CHEK1: variants seen among roughly 807,000 people sequenced by gnomAD.
CHEK1 encodes the protein serine/threonine-protein kinase Chk1.
CHEK1 carries 32 observed loss-of-function variants against 60.2 expected under a neutral mutation model. The observed-to-expected ratio is 0.53, with a 90% CI of 0.40 to 0.71. The LOEUF is 0.71. CHEK1 is among the 30% of genes least tolerant of loss of function. The probability of loss-of-function intolerance (pLI) is 0.00; values close to 1 mark genes in which losing one functional copy is unlikely to be tolerated. For synonymous variants in CHEK1, 179 were observed against 187.2 expected, an observed-to-expected ratio of 0.96 and a Z score of 0.36; for missense variants, 399 against 564.6, an observed-to-expected ratio of 0.71 and a Z score of 2.97.
downstream of CHEK1, among the ~76,000 whole-genome samples, chr11:125,679,457 A>AGG (rs1251345812): frequency 1.3e-5 from 2 of 152,180 alleles, no homozygotes; most frequent in East Asian, 3.9e-4. Context: ...ACCTCAAGTG[A>AGG]TCCGCCCGCC....
At chr11:125,658,072 GT>G (rs887206468), downstream of CHEK1, among the ~76,000 whole-genome samples, 3 of 151,246 alleles carry the variant, frequency 2.0e-5, no homozygotes, top group South Asian at 2.1e-4. Flanking sequence ...TTTTGTTAAT[GT>G]TTTTTTTTCC....
At chr11:125,677,906 A>C, downstream of CHEK1, 3 of 1,613,946 alleles carry the variant, frequency 1.9e-6, no homozygotes, top group Non-Finnish European at 2.5e-6. Context: ...CACCGGAGCC[A>C]TGTTCACCTG....
chr11:125,629,661 A>G (rs1163690308), intron 5 of CHEK1, among the ~76,000 whole-genome samples: 1 of 152,210 alleles, frequency 6.6e-6, no homozygotes, highest in Non-Finnish European at 1.5e-5. Flanking sequence ...ATTTTGCAAT[A>G]CAAGTGCGGA....
At chr11:125,677,736 T>G, downstream of CHEK1, 4 of 1,594,802 alleles carry the variant, frequency 2.5e-6, no homozygotes, top group South Asian at 4.5e-5. Flanking sequence ...TGGGTTTTCT[T>G]GATGTGTTCC....
At position 125,626,785 on chromosome 11, in the gene CHEK1, T is replaced by G; in HGVS notation, c.17T>G (p.Val6Gly). The G allele has an allele frequency of 6.2e-7, 1 of 1,614,234 alleles. No homozygotes were observed. The highest frequency in any genetic ancestry group is 8.5e-7 in the Non-Finnish European group (1 of 1,180,030). ...GGTGGAGTCATGGCAGTGCCCTTTG[T>G]GGAAGACTGGGACTTGGTGCAAACC... MAVPF[V>G]EDWDLVQTLG... Residue 6 changes from valine to glycine, a missense_variant, in exon 2 of 13, where the codon GTG (valine) becomes GGG (glycine). By Grantham distance (109) the Val-to-Gly change is moderately radical. Around this residue, in one of 2 missense-constraint regions of CHEK1, gnomAD observed 370 missense variants for 494.8 expected, o/e 0.75. Coordinates refer to ENST00000438015, the MANE Select transcript of CHEK1 (RefSeq NM_001114122.3).
chr11:125,640,369 G>A lies in CHEK1; in HGVS notation c.814+2825G>A, dbSNP rs1159976094. On this transcript the variant is annotated intron_variant, in intron 8 of 12. Transcript: ENST00000438015. ...ATCCTGGCTAACACGGTGTCACCCC[G>A]TCTCTACTAAAAATACAAAAAATTA... is the stretch of plus-strand genomic sequence containing the variant. Among the ~76,000 whole-genome samples, 7 of 151,694 alleles carry A rather than the reference G, an allele frequency of 4.6e-5. No homozygotes were observed. The East Asian group carries it at 7.8e-4, about 17-fold the overall frequency.
At chr11:125,659,794 A>C (rs1002418505), downstream of CHEK1, among the ~76,000 whole-genome samples, 4 of 152,200 alleles carry the variant, frequency 2.6e-5, no homozygotes, top group African/African-American at 9.7e-5. Context: ...TTATGCAACC[A>C]TCACCACTCT....
intron 5 of CHEK1, among the ~76,000 whole-genome samples, chr11:125,631,282 A>C (rs1448501979): frequency 6.6e-6 from 1 of 152,066 alleles, no homozygotes; most frequent in African/African-American, 2.4e-5. Context: ...GTTTCTATTT[A>C]ATATTTAGGA....
At chr11:125,660,881 T>C (rs1208764303), downstream of CHEK1, among the ~76,000 whole-genome samples, 1 of 152,122 alleles carries the variant, frequency 6.6e-6, no homozygotes, top group Non-Finnish European at 1.5e-5. Context: ...GTTCAAGCGA[T>C]TCTCCTGCCT....
At chr11:125,652,713 TTGTAA>T (rs1229054752) in intron 11 of CHEK1, among the ~76,000 whole-genome samples, 1 of 152,144 alleles carries the variant, frequency 6.6e-6, no homozygotes, top group Non-Finnish European at 1.5e-5. Flanking sequence ...GATACAATAA[TTGTAA>T]TGTATTCATG....
intron 13 of CHEK1, among the ~76,000 whole-genome samples, chr11:125,674,328 G>A (rs957781445): frequency 6.6e-6 from 1 of 152,186 alleles, no homozygotes; most frequent in African/African-American, 2.4e-5. Flanking sequence ...ATTAAGGGGG[G>A]CATAGTATCA....
intron 8 of CHEK1, 70 bp downstream of exon 8, chr11:125,637,614 C>A: frequency 1.9e-6 from 2 of 1,033,084 alleles, no homozygotes; most frequent in Non-Finnish European, 2.9e-6. Flanking sequence ...GTTATTATCA[C>A]AAGTCAACAA....
intron 7 of CHEK1, among the ~76,000 whole-genome samples, chr11:125,637,124 T>A (rs143886846): frequency 1.2e-4 from 19 of 152,288 alleles, no homozygotes; most frequent in African/African-American, 4.6e-4. Flanking sequence ...GACATTGAAG[T>A]AATGAAATTC....
chr11:125,633,345 G>A lies in CHEK1; in HGVS notation c.607G>A (p.Ala203Thr), dbSNP rs376741119. ...SCGIVLTAMLAGELPWDQPSD... is the reference protein window; with the variant it reads ...SCGIVLTAMLTGELPWDQPSD... ...TGGAATAGTACTTACTGCAATGCTC[G>A]CTGGAGGTAAGAGCTATTTAATCAT... The change falls in exon 6 of 13, where the codon GCT becomes ACT. Residue 203 changes from alanine to threonine, a missense_variant. By Grantham distance (58) the Ala-to-Thr change is moderately conservative. Around this residue, in one of 2 missense-constraint regions of CHEK1, gnomAD observed 370 missense variants for 494.8 expected, o/e 0.75. Transcript: ENST00000438015. 2.1e-5 allele frequency: 32 copies of A among 1,544,098 alleles called. No homozygotes were observed. The highest frequency in any genetic ancestry group is 2.7e-5 in the Non-Finnish European group (31 of 1,152,686).
At chr11:125,628,640 G>T (rs1432358202) in intron 3 of CHEK1, among the ~76,000 whole-genome samples, 2 of 152,152 alleles carry the variant, frequency 1.3e-5, no homozygotes, top group Non-Finnish European at 2.9e-5. Flanking sequence ...TTAAATCTGA[G>T]CCAGGTGTGG....
intron 13 of CHEK1, among the ~76,000 whole-genome samples, chr11:125,663,383 C>A (rs1047903767): frequency 5.3e-5 from 8 of 152,030 alleles, no homozygotes; most frequent in African/African-American, 1.9e-4. Flanking sequence ...AGGTGTGAAC[C>A]TTAGGTTGAA....
chr11:125,649,563 A>C (rs778352972), intron 11 of CHEK1, among the ~76,000 whole-genome samples: 5 of 151,970 alleles, frequency 3.3e-5, no homozygotes, highest in African/African-American at 4.8e-5. Flanking sequence ...ATCTCTACTA[A>C]AAATATTTTA....
chr11:125,661,627 T>A (rs1018635555), downstream of CHEK1, among the ~76,000 whole-genome samples: 2 of 152,186 alleles, frequency 1.3e-5, no homozygotes, highest in African/African-American at 2.4e-5. Context: ...TAGTATTTTT[T>A]AAAAATCACT....
In CHEK1 at chr11:125,635,238, C is replaced by T. The variant is rs563007446; in HGVS notation, c.614-191C>T. Among the ~76,000 whole-genome samples, 6 of 152,270 alleles carry T rather than the reference C, an allele frequency of 3.9e-5. No individual in the cohort carries two copies. In the East Asian group the frequency reaches 1.2e-3, roughly 29 times the overall value. ...CCTCCCAAAGTGCTGTGATTACAGGCCTGAGCTGCCATGCCTATCCTGATT... is the reference window on the plus strand; with the variant it reads ...CCTCCCAAAGTGCTGTGATTACAGGTCTGAGCTGCCATGCCTATCCTGATT... On this transcript the variant is annotated intron_variant, in intron 6 of 12. Transcript: ENST00000438015.
Sources: gnomAD v4.1 joint callset for allele counts (sites outside exome capture counted in the v4.1 genomes callset) on GRCh38, gnomAD v4.1.1 for gene constraint, gnomAD v4.1.1 regional missense constraint, MANE v1.5 for transcripts, NCBI Gene and HGNC (gene_info 2026-07-23, HGNC 2026-07-21) for gene names.